TMEM88: variants seen among roughly 807,000 people sequenced by gnomAD.
TMEM88 encodes the protein transmembrane protein 88.
In TMEM88, 8 loss-of-function variants were observed where a neutral mutation model predicts 10.0. The observed-to-expected ratio is 0.80, with a 90% CI of 0.47 to 1.44. The LOEUF is 1.44. TMEM88 is among the 40% of genes most tolerant of loss of function. The pLI, the probability that TMEM88 is intolerant of heterozygous loss-of-function variation, is 0.00. For missense variants in TMEM88, 255 were observed against 217.8 expected (o/e 1.17, Z -1.07); for synonymous variants, 139 against 104.9 (o/e 1.33, Z -1.99).
In TMEM88 at chr17:7,855,959, TC is replaced by T; in HGVS notation, c.*250del. On this transcript the variant is annotated 3_prime_UTR_variant, in exon 2 of 2. Coordinates refer to ENST00000301599, the MANE Select transcript of TMEM88 (RefSeq NM_203411.2). ...ACATCTAGGCTGGAACCTGCACACCTCCCCCTCAGCTCCGTCGTGAATGGGA... is the reference window on the plus strand; with the variant it reads ...ACATCTAGGCTGGAACCTGCACACCTCCCCTCAGCTCCGTCGTGAATGGGA... 7.7e-7 allele frequency: 1 copy of T among 1,301,724 alleles called. No homozygotes were observed. Among genetic ancestry groups the T allele is most frequent in the Non-Finnish European group, 9.7e-7 (1 of 1,026,346 alleles). 80.6% of individuals were successfully genotyped at this position (1,301,724 alleles called of 1,614,324 possible). A position where few individuals can be genotyped will look rare whatever the true frequency, so the allele number is the denominator to read the frequency against.
In TMEM88 at chr17:7,855,395, G is replaced by A; in HGVS notation, c.211-50G>A. On this transcript the variant is annotated intron_variant, in intron 1 of 1. Transcript: ENST00000301599. ...AACCCGCCTGGGCTGTTTCCACCCC[G>A]TGCACAGTATCGCCTGGTCGGCTTG... The A allele has an allele frequency of 2.5e-6, 4 of 1,594,336 alleles. No homozygotes were observed. In the African/African-American group the frequency reaches 5.3e-5, roughly 21 times the overall value.
chr17:7,856,027 T>A lies in TMEM88; in HGVS notation c.*313T>A, dbSNP rs942696165. The A allele has an allele frequency of 4.1e-6, 5 of 1,228,270 alleles. No individual in the cohort carries two copies. Among genetic ancestry groups the A allele is most frequent in the Non-Finnish European group, 5.1e-6 (5 of 971,902 alleles). 76.1% of individuals were successfully genotyped at this position (1,228,270 alleles called of 1,614,324 possible). The stretch of plus-strand genomic sequence containing the variant: ...TCGTTTTATGGTGCAGCTTCTCTAG[T>A]ATTTCTGGGGCTGGGGGGCGGGGCT... On this transcript the variant is annotated 3_prime_UTR_variant, in exon 2 of 2. Transcript: ENST00000301599.
At position 7,855,736 on chromosome 17, in the gene TMEM88, C is replaced by G. The variant is rs1485000852; in HGVS notation, c.*22C>G. On this transcript the variant is annotated 3_prime_UTR_variant, in exon 2 of 2. Transcript: ENST00000301599. ...CTAATGACCCTCGAGTCAAGAACAA[C>G]CCTGACGGCTGCCCTCCCTCTTATT... is the stretch of plus-strand genomic sequence containing the variant. 1.3e-6 allele frequency: 2 copies of G among 1,503,658 alleles called. No individual in the cohort carries two copies. The highest frequency in any genetic ancestry group is 1.8e-6 in the Non-Finnish European group (2 of 1,123,748). 93.1% of individuals were successfully genotyped at this position (1,503,658 alleles called of 1,614,324 possible).
chr17:7,855,680 A>C lies in TMEM88; in HGVS notation c.446A>C (p.Gln149Pro). The C allele has an allele frequency of 1.9e-6, 3 of 1,597,312 alleles. No individual in the cohort carries two copies. Among genetic ancestry groups the C allele is most frequent in the Non-Finnish European group, 2.6e-6 (3 of 1,172,250 alleles). Residue 149 changes from glutamine to proline, a missense_variant, in exon 2 of 2, where the codon CAG (glutamine) becomes CCG (proline). By Grantham distance (76) the Gln-to-Pro change is moderately conservative. Transcript: ENST00000301599. ...CAAATCCGGGCCTCACCAGGGTCCC[A>C]GGCCGTTCCCACATCAGGAAAGGTC... The part of the protein sequence containing the change: ...PRQIRASPGS[Q>P]AVPTSGKVWV
rs1200836213 is a variant in TMEM88 at position 7,855,155 on chromosome 17, C to T, written c.81C>T (p.Cys27=). The change falls in exon 1 of 2, where the codon TGC becomes TGT. Residue 27 remains cysteine (C), a synonymous_variant. Coordinates refer to ENST00000301599, the MANE Select transcript of TMEM88 (RefSeq NM_203411.2). ...GGGACCCCCTGGACTGTTGGGCCTG[C>T]GCTGTTCTTGTAACAGCCCAGAATC... The part of the protein sequence containing the change: ...EPRDPLDCWA[C]AVLVTAQNLL... 6.2e-7 allele frequency: 1 copy of T among 1,611,714 alleles called. No individual in the cohort carries two copies. Among genetic ancestry groups the T allele is most frequent in the East Asian group, 2.2e-5 (1 of 44,820 alleles).
chr17:7,855,841 T>C lies in TMEM88; in HGVS notation c.*127T>C. On this transcript the variant is annotated 3_prime_UTR_variant, in exon 2 of 2. Coordinates refer to ENST00000301599, the MANE Select transcript of TMEM88 (RefSeq NM_203411.2). ...CCTGAGCGGAGTCCTAGCATCCCCT[T>C]GGGAGCAGCAGCGTCAGTGGACCCA... The C allele has an allele frequency of 7.0e-7, 1 of 1,422,194 alleles. No individual in the cohort carries two copies. Among genetic ancestry groups the C allele is most frequent in the Non-Finnish European group, 9.2e-7 (1 of 1,090,758 alleles). 88.1% of individuals were successfully genotyped at this position (1,422,194 alleles called of 1,614,324 possible).
chr17:7,855,882 C>G lies in TMEM88; in HGVS notation c.*168C>G. On this transcript the variant is annotated 3_prime_UTR_variant, in exon 2 of 2. Transcript: ENST00000301599. ...AGTGGACCCAGTGCTGAGAAAAGCCCCCACATCCCGGAAAACCCACTTTCC... is the reference window on the plus strand; with the variant it reads ...AGTGGACCCAGTGCTGAGAAAAGCCGCCACATCCCGGAAAACCCACTTTCC... 7.2e-7 allele frequency: 1 copy of G among 1,394,772 alleles called. No individual in the cohort carries two copies. 86.4% of individuals were successfully genotyped at this position (1,394,772 alleles called of 1,614,324 possible). A position where few individuals can be genotyped will look rare whatever the true frequency, so the allele number is the denominator to read the frequency against.
intron 1 of TMEM88, 27 bp downstream of exon 1, chr17:7,855,311 G>A (rs1222006415): frequency 6.9e-6 from 11 of 1,588,080 alleles, no homozygotes; most frequent in South Asian, 3.4e-5. Context: ...GGGTGTGCGT[G>A]TGAGTGTGAG....
intron 1 of TMEM88, 34 bp from the exon 2 acceptor site, chr17:7,855,411 G>C (rs1322320940): frequency 1.9e-6 from 3 of 1,597,690 alleles, no homozygotes; most frequent in Non-Finnish European, 2.5e-6. Context: ...AGTATCGCCT[G>C]GTCGGCTTGG....
Position 7,855,701 on chromosome 17 carries a change from AG to A in TMEM88, c.469del (p.Val157SerfsTer39). 1 of 1,577,206 alleles carries A rather than the reference AG, an allele frequency of 6.3e-7. No individual in the cohort carries two copies. ...PGSQAVPTSGKVWV is the reference protein window; with the variant it reads ...PGSQAVPTSGXVWV ...TCCCAGGCCGTTCCCACATCAGGAA[AG>A]GTCTGGGTCTAATGACCCTCGAGTC... is the stretch of plus-strand genomic sequence containing the variant. On this transcript the variant is annotated frameshift_variant, in exon 2 of 2. Coordinates refer to ENST00000301599, the MANE Select transcript of TMEM88 (RefSeq NM_203411.2). LOFTEE classifies it high-confidence loss of function.
rs772415579 is a variant in TMEM88 at position 7,855,437 on chromosome 17, TC to T, written c.211-5del. On this transcript the variant is annotated splice_region_variant and splice_polypyrimidine_tract_variant and intron_variant, in intron 1 of 1. Transcript: ENST00000301599. The stretch of plus-strand genomic sequence containing the variant: ...GTCGGCTTGGGCCTGACGCCTCTTC[TC>T]CCACAGTTCCTGCGCTCCCAGGCAC... 9 of 1,601,904 alleles carry T rather than the reference TC, an allele frequency of 5.6e-6. No homozygotes were observed. In the Admixed American group the frequency reaches 1.2e-4, roughly 21 times the overall value.
Position 7,855,333 on chromosome 17 carries a change from G to A in TMEM88, c.210+49G>A, listed in dbSNP as rs368549452. 5 of 1,589,276 alleles carry A rather than the reference G, an allele frequency of 3.1e-6. No individual in the cohort carries two copies. The South Asian group carries it at 5.6e-5, about 18-fold the overall frequency. On this transcript the variant is annotated intron_variant, in intron 1 of 1. Transcript: ENST00000301599. ...CGTGTGAGTGTGAGTGTTGGTGTGT[G>A]GTGATGCTGGCGGTGGGGTCTATGG...
In TMEM88 at chr17:7,855,359, G is replaced by A. The variant is rs905913110; in HGVS notation, c.210+75G>A. The A allele has an allele frequency of 2.3e-5, 37 of 1,590,142 alleles. No homozygotes were observed. In the East Asian group the frequency reaches 4.5e-4, roughly 19 times the overall value. On this transcript the variant is annotated intron_variant, in intron 1 of 1. Coordinates refer to ENST00000301599, the MANE Select transcript of TMEM88 (RefSeq NM_203411.2). ...GTGATGCTGGCGGTGGGGTCTATGGGCCACAACTTCAACCCGCCTGGGCTG... is the reference window on the plus strand; with the variant it reads ...GTGATGCTGGCGGTGGGGTCTATGGACCACAACTTCAACCCGCCTGGGCTG...
chr17:7,855,622 C>G lies in TMEM88; in HGVS notation c.388C>G (p.Leu130Val), dbSNP rs1048313334. ...ADCLVPYSRA[L>V]YRRRRAPQPR... ...TTGCCTCGTGCCCTACAGCCGAGCC[C>G]TTTATCGGCGTCGGCGCGCCCCGCA... The change falls in exon 2 of 2, where the codon CTT becomes GTT. Residue 130 changes from leucine (L) to valine (V), a missense_variant. By Grantham distance (32) the Leu-to-Val change is conservative. Transcript: ENST00000301599. 3 of 1,609,066 alleles carry G rather than the reference C, an allele frequency of 1.9e-6. No homozygotes were observed. Among genetic ancestry groups the G allele is most frequent in the Non-Finnish European group, 2.5e-6 (3 of 1,179,632 alleles).
intron 1 of TMEM88, 46 bp from the exon 2 acceptor site, chr17:7,855,399 A>T: frequency 6.3e-7 from 1 of 1,595,196 alleles, no homozygotes; most frequent in Non-Finnish European, 8.5e-7. Context: ...CACCCCGTGC[A>T]CAGTATCGCC....
chr17:7,855,204 C>A lies in TMEM88; in HGVS notation c.130C>A (p.Leu44Ile), dbSNP rs2270518. 6.2e-7 allele frequency: 1 copy of A among 1,609,388 alleles called. No individual in the cohort carries two copies. Among genetic ancestry groups the A allele is most frequent in the Admixed American group, 1.7e-5 (1 of 59,202 alleles). The change falls in exon 1 of 2, where the codon CTC (leucine) becomes ATC (isoleucine). Residue 44 changes from leucine (L) to isoleucine (I), a missense_variant. Transcript: ENST00000301599. ...QNLLVAAFNLLLLVLVLGTIL... is the reference protein window; with the variant it reads ...QNLLVAAFNLILLVLVLGTIL... ...TCTGCTGGTGGCTGCCTTCAATCTT[C>A]TCCTGCTGGTGCTGGTGCTAGGGAC...
In TMEM88 at chr17:7,855,690, C is replaced by T. The variant is rs1423908006; in HGVS notation, c.456C>T (p.Pro152=). The change falls in exon 2 of 2, where the codon CCC becomes CCT. Residue 152 remains proline, a synonymous_variant. Transcript: ENST00000301599. ...CCTCACCAGGGTCCCAGGCCGTTCC[C>T]ACATCAGGAAAGGTCTGGGTCTAAT... ...IRASPGSQAV[P]TSGKVWV 1.9e-6 allele frequency: 3 copies of T among 1,590,586 alleles called. No individual in the cohort carries two copies. The highest frequency in any genetic ancestry group is 2.7e-5 in the African/African-American group (2 of 74,376).
Position 7,855,126 on chromosome 17 carries a change from C to T in TMEM88, c.52C>T (p.Pro18Ser). The part of the protein sequence containing the change: ...QRAVPGDGPE[P>S]RDPLDCWACA... ...AGCGGTTCCTGGTGACGGCCCAGAG[C>T]CCCGGGACCCCCTGGACTGTTGGGC... The change falls in exon 1 of 2, where the codon CCC becomes TCC. Residue 18 changes from proline (P) to serine (S), a missense_variant. Coordinates refer to ENST00000301599, the MANE Select transcript of TMEM88 (RefSeq NM_203411.2). The T allele has an allele frequency of 6.2e-7, 1 of 1,609,896 alleles. No individual in the cohort carries two copies. Among genetic ancestry groups the T allele is most frequent in the Non-Finnish European group, 8.5e-7 (1 of 1,179,674 alleles).
In TMEM88 at chr17:7,855,651, G is replaced by A. The variant is rs761264153; in HGVS notation, c.417G>A (p.Pro139=). 6.8e-6 allele frequency: 11 copies of A among 1,607,260 alleles called. No individual in the cohort carries two copies. The highest frequency in any genetic ancestry group is 9.3e-6 in the Non-Finnish European group (11 of 1,178,114). ...ATCGGCGTCGGCGCGCCCCGCAGCC[G>A]CGGCAAATCCGGGCCTCACCAGGGT... is the stretch of plus-strand genomic sequence containing the variant. ...ALYRRRRAPQ[P]RQIRASPGSQ... is the part of the protein sequence containing the mutation. Residue 139 remains proline (P), a synonymous_variant, in exon 2 of 2, where the codon CCG becomes CCA. Transcript: ENST00000301599.
Sources: allele counts gnomAD v4.1 joint callset, GRCh38; gene constraint gnomAD v4.1.1; transcripts MANE v1.5; gene names NCBI Gene and HGNC (gene_info 2026-07-23, HGNC 2026-07-21).